The following ATXN10 variants were observed in gnomAD, a reference collection of about 807,000 sequenced individuals.
ATXN10 encodes the protein ataxin 10.
ATXN10 carries 28 observed loss-of-function variants against 52.9 expected under a neutral mutation model. The ratio of observed to expected loss-of-function variants is 0.53; its 90% CI spans 0.39 to 0.73. The LOEUF (loss-of-function observed/expected upper bound fraction) is 0.73. Among genes scored for constraint, ATXN10 ranks in the 30% least tolerant of loss-of-function variants. The probability of loss-of-function intolerance (pLI) is 0.00; values close to 1 mark genes in which losing one functional copy is unlikely to be tolerated. For synonymous variants in ATXN10, 226 were observed against 221.5 expected (o/e 1.02, Z -0.18); for missense variants, 565 against 577.0 (o/e 0.98, Z 0.21).
At chr22:45,726,242 C>A (rs911767759) in intron 6 of ATXN10, among the ~76,000 whole-genome samples, 5 of 152,128 alleles carry the variant, frequency 3.3e-5, no homozygotes, top group Non-Finnish European at 5.9e-5. Flanking sequence ...TGATTGGTGC[C>A]AATTCTTTGA....
Position 45,750,541 on chromosome 22 carries a change from T to C in ATXN10, c.1173+10003T>C, listed in dbSNP as rs1027067027. On this transcript the variant is annotated intron_variant, in intron 9 of 11. Transcript: ENST00000252934. This position sits in a 1 kb window ranked among gnomAD's most constrained non-coding sequence, Gnocchi z 4.2. ...TGTACCTTGTTCCTGTATGGAAGTA[T>C]GGAATATGGGAAAGATATTAGTTAT... Among the ~76,000 whole-genome samples, 3 of 152,230 alleles carry C rather than the reference T, an allele frequency of 2.0e-5. No homozygotes were observed. Among genetic ancestry groups the C allele is most frequent in the African/African-American group, 7.2e-5 (3 of 41,444 alleles).
At chr22:45,808,825 A>T (rs752196990) in intron 10 of ATXN10, among the ~76,000 whole-genome samples, 6 of 152,232 alleles carry the variant, frequency 3.9e-5, no homozygotes, top group Non-Finnish European at 8.8e-5. Context: ...AAAGTTACAC[A>T]TGGAAAAATT....
At chr22:45,738,943 G>T in intron 8 of ATXN10, 104 bp downstream of exon 8, 1 of 1,035,170 alleles carries the variant, frequency 9.7e-7, no homozygotes, top group Non-Finnish European at 1.5e-6. Context: ...TGTACTTTGG[G>T]AATTTTGTGA....
Position 45,715,531 on chromosome 22 carries a change from C to CTGT in ATXN10, c.648-2868_648-2866dup, listed in dbSNP as rs1016738654. ...TAACATGAGTTGTTTTTGTTATTTG[C>CTGT]TGTTGTTGTTGTTGTTAAGCTCATT... On this transcript the variant is annotated intron_variant, in intron 5 of 11. Coordinates refer to ENST00000252934, the MANE Select transcript of ATXN10 (RefSeq NM_013236.4). The surrounding 1 kb of genome is among the most constrained non-coding windows in gnomAD (Gnocchi z 4.4). 5.9e-5 allele frequency among the ~76,000 whole-genome samples: 9 copies of CTGT among 152,032 alleles called. No individual in the cohort carries two copies. Among genetic ancestry groups the CTGT allele is most frequent in the African/African-American group, 2.2e-4 (9 of 41,376 alleles).
chr22:45,750,280 G>A lies in ATXN10; in HGVS notation c.1173+9742G>A, dbSNP rs1230550328. ...GCAAATTTTTGTATTTTTTTTTGTAGAGGTGGGATTTTCCCATGTTCCCCA... is the reference window on the plus strand; with the variant it reads ...GCAAATTTTTGTATTTTTTTTTGTAAAGGTGGGATTTTCCCATGTTCCCCA... On this transcript the variant is annotated intron_variant, in intron 9 of 11. Transcript: ENST00000252934. The surrounding 1 kb of genome is among the most constrained non-coding windows in gnomAD (Gnocchi z 4.2). 1.3e-5 allele frequency among the ~76,000 whole-genome samples: 2 copies of A among 151,498 alleles called. No homozygotes were observed. Among genetic ancestry groups the A allele is most frequent in the Non-Finnish European group, 2.9e-5 (2 of 67,866 alleles).
chr22:45,753,857 A>G (rs1163770343), intron 9 of ATXN10, among the ~76,000 whole-genome samples: 1 of 152,154 alleles, frequency 6.6e-6, no homozygotes, highest in Non-Finnish European at 1.5e-5. Context: ...ACTGCTACAC[A>G]GAGATTTTGA....
At chr22:45,812,062 G>GC (rs1385942637) in intron 10 of ATXN10, among the ~76,000 whole-genome samples, 9 of 152,106 alleles carry the variant, frequency 5.9e-5, no homozygotes, top group Admixed American at 2.6e-4. Flanking sequence ...CTCAGTTCCT[G>GC]CGTGAAGGCA....
chr22:45,751,739 G>GAAAAAA (rs1925959977), intron 9 of ATXN10, among the ~76,000 whole-genome samples: 1 of 14,110 alleles, frequency 7.1e-5, no homozygotes, highest in Non-Finnish European at 1.3e-4. Context: ...ACCTTTTTCT[G>GAAAAAA]GAAAAAAAAA....
Position 45,783,825 on chromosome 22 carries a change from T to A in ATXN10, c.1174-23134T>A, listed in dbSNP as rs1365077025. ...AGGTCTTGGAAAAAGGACCTGAAAG[T>A]GCTGTTGTCATGTTTGTGTCATGCT... On this transcript the variant is annotated intron_variant, in intron 9 of 11. Transcript: ENST00000252934. The surrounding 1 kb of genome is among the most constrained non-coding windows in gnomAD (Gnocchi z 5.0). 6.6e-6 allele frequency among the ~76,000 whole-genome samples: 1 copy of A among 152,196 alleles called. No homozygotes were observed. The highest frequency in any genetic ancestry group is 2.4e-5 in the African/African-American group (1 of 41,448).
chr22:45,729,190 AG>A (rs1046983292), intron 6 of ATXN10, among the ~76,000 whole-genome samples: 3 of 152,244 alleles, frequency 2.0e-5, no homozygotes, highest in African/African-American at 7.2e-5. Context: ...TGGACATAAA[AG>A]GTGCATTAAG....
At chr22:45,751,765 ATAATAAT>A (rs1161318413) in intron 9 of ATXN10, among the ~76,000 whole-genome samples, 8 of 76,366 alleles carry the variant, frequency 1.0e-4, no homozygotes, top group African/African-American at 5.0e-4. Flanking sequence ...TAAAAAAAAA[ATAATAAT>A]AATAATAATA....
intron 6 of ATXN10, among the ~76,000 whole-genome samples, chr22:45,720,611 C>A (rs1924613871): frequency 6.6e-6 from 1 of 152,060 alleles, no homozygotes; most frequent in Non-Finnish European, 1.5e-5. Flanking sequence ...AAACTCTGTA[C>A]CCATTAACAA....
At position 45,715,959 on chromosome 22, in the gene ATXN10, T is replaced by C. The variant is rs1924428296; in HGVS notation, c.648-2454T>C. Among the ~76,000 whole-genome samples the C allele has an allele frequency of 6.6e-6, 1 of 152,156 alleles. No individual in the cohort carries two copies. Among genetic ancestry groups the C allele is most frequent in the East Asian group, 1.9e-4 (1 of 5,202 alleles). On this transcript the variant is annotated intron_variant, in intron 5 of 11. Transcript: ENST00000252934. The surrounding 1 kb of genome is among the most constrained non-coding windows in gnomAD (Gnocchi z 4.4). ...TATTTTGACCTGAAGTACCAAGTTT[T>C]GTGGGATAAAGCAAAAGCAGCCAAG... is the stretch of plus-strand genomic sequence containing the variant.
At chr22:45,740,337 G>A (rs574025455) in intron 8 of ATXN10, 32 bp from the exon 9 acceptor site, 140 of 1,612,506 alleles carry the variant, frequency 8.7e-5, no homozygotes, top group Non-Finnish European at 1.2e-4. Flanking sequence ...TTACTTTTCT[G>A]TGGAAAATGA....
chr22:45,784,069 A>C lies in ATXN10; in HGVS notation c.1174-22890A>C, dbSNP rs1186903724. Among the ~76,000 whole-genome samples the C allele has an allele frequency of 6.6e-6, 1 of 151,428 alleles. No homozygotes were observed. The highest frequency in any genetic ancestry group is 1.5e-5 in the Non-Finnish European group (1 of 67,898). ...CCCTCTCCCCTTCTTAATCCTCATC[A>C]CTCTTCATTTGCACACTTTGAGGTT... On this transcript the variant is annotated intron_variant, in intron 9 of 11. Transcript: ENST00000252934. This position sits in a 1 kb window ranked among gnomAD's most constrained non-coding sequence, Gnocchi z 4.2.
chr22:45,672,457 G>C (rs1922500840), intron 1 of ATXN10: 2 of 185,864 alleles, frequency 1.1e-5, no homozygotes, highest in East Asian at 2.9e-4. Context: ...CGGCGTGCCG[G>C]TGATGTTGAC....
intron 9 of ATXN10, among the ~76,000 whole-genome samples, chr22:45,801,903 C>T (rs1017594890): frequency 2.0e-5 from 3 of 152,184 alleles, no homozygotes; most frequent in African/African-American, 7.2e-5. Flanking sequence ...CACTGTACAC[C>T]TGGGAGGTGG....
rs1021442161 is a variant in ATXN10, at chr22:45,818,501, G to A, written c.1237+11479G>A. 1.3e-5 allele frequency among the ~76,000 whole-genome samples: 2 copies of A among 152,144 alleles called. No homozygotes were observed. Among genetic ancestry groups the A allele is most frequent in the South Asian group, 2.1e-4 (1 of 4,814 alleles). On this transcript the variant is annotated intron_variant, in intron 10 of 11. Transcript: ENST00000252934. The surrounding 1 kb of genome is among the most constrained non-coding windows in gnomAD (Gnocchi z 4.6). ...CTTATTCTCACATCAGTCAGAAGAC[G>A]CCAGCCTGTTGTTTTTCAGAGCGAG... is the stretch of plus-strand genomic sequence containing the variant.
rs1396569109 is a variant in ATXN10, at chr22:45,732,136, G to A, written c.894+2546G>A. Among the ~76,000 whole-genome samples, 1 of 152,178 alleles carries A rather than the reference G, an allele frequency of 6.6e-6. No homozygotes were observed. Among genetic ancestry groups the A allele is most frequent in the African/African-American group, 2.4e-5 (1 of 41,444 alleles). On this transcript the variant is annotated intron_variant, in intron 7 of 11. Coordinates refer to ENST00000252934, the MANE Select transcript of ATXN10 (RefSeq NM_013236.4). The surrounding 1 kb of genome is among the most constrained non-coding windows in gnomAD (Gnocchi z 4.5). Reference sequence around the variant, plus strand: ...TGGACTTTTTTCTCTAAGATGGGAAGTATTTTTATATATTAATGGAATGGA... The same window carrying A: ...TGGACTTTTTTCTCTAAGATGGGAAATATTTTTATATATTAATGGAATGGA...
Sources: allele counts gnomAD v4.1 joint callset (sites outside exome capture counted in the v4.1 genomes callset), GRCh38; gene constraint gnomAD v4.1.1; non-coding constraint Gnocchi (gnomAD v3.1); transcripts MANE v1.5; gene names NCBI Gene and HGNC (gene_info 2026-07-23, HGNC 2026-07-21).